Variants in PUM1 observed in about 807,000 individuals in gnomAD.
PUM1 encodes the protein pumilio homolog 1.
Under a neutral mutation model 131.8 loss-of-function variants are expected in PUM1, and 13 were observed. The observed-to-expected ratio is 0.10, with a 90% CI of 0.06 to 0.16. The LOEUF (loss-of-function observed/expected upper bound fraction) is 0.16, where lower values mean the gene tolerates loss of function less well. Among genes scored for constraint, PUM1 ranks in the 10% least tolerant of loss-of-function variants. The pLI is 1.00. For missense variants in PUM1, 961 were observed against 1,512.4 expected, an observed-to-expected ratio of 0.64 and a Z score of 6.05; for synonymous variants, 509 against 556.5, an observed-to-expected ratio of 0.91 and a Z score of 1.20.
rs2124509275 is a variant in PUM1, at chr1:31,006,101, T to C, written c.542-70A>G. 2 of 1,352,302 alleles carry C rather than the reference T, an allele frequency of 1.5e-6. 1 individual carries two copies. Among genetic ancestry groups the C allele is most frequent in the South Asian group, 3.2e-5 (2 of 63,410 alleles). The allele number at this position is 1,352,302 out of a possible 1,614,324, so 83.8% of individuals were successfully genotyped here. A position where few individuals can be genotyped will look rare whatever the true frequency, so the allele number is the denominator to read the frequency against. On this transcript the variant is annotated intron_variant, in intron 4 of 21. Transcript: ENST00000426105. Reference sequence around the variant, plus strand: ...CAAACAAATTATGAGTGATGTCTCATGGATAACCAATGGAATCAGGAAACT... The same window carrying C: ...CAAACAAATTATGAGTGATGTCTCACGGATAACCAATGGAATCAGGAAACT...
chr1:31,016,532 G>C (rs1234931839), intron 3 of PUM1, among the ~76,000 whole-genome samples: 2 of 152,110 alleles, frequency 1.3e-5, no homozygotes, highest in Non-Finnish European at 2.9e-5. Flanking sequence ...GCAGAGTGAA[G>C]TGCATCCACT....
At chr1:30,993,889 GC>G (rs894426327) in intron 6 of PUM1, among the ~76,000 whole-genome samples, 54 of 152,060 alleles carry the variant, frequency 3.6e-4, no homozygotes, top group African/African-American at 1.2e-3. Context: ...TAGCAACATG[GC>G]AAAACCCCAT....
chr1:30,980,910 T>C (rs889034548), intron 8 of PUM1, among the ~76,000 whole-genome samples: 1 of 152,212 alleles, frequency 6.6e-6, no homozygotes, highest in African/African-American at 2.4e-5. Context: ...ATTTTTTCAA[T>C]GCATACTTAC....
chr1:31,009,580 A>G (rs1482146058), intron 3 of PUM1, among the ~76,000 whole-genome samples: 1 of 152,086 alleles, frequency 6.6e-6, no homozygotes, highest in African/African-American at 2.4e-5. Context: ...AGAATGGCCA[A>G]CATGGCAAGA....
At chr1:30,977,314 C>T (rs1373907093) in intron 9 of PUM1, among the ~76,000 whole-genome samples, 2 of 152,180 alleles carry the variant, frequency 1.3e-5, no homozygotes, top group Non-Finnish European at 2.9e-5. Context: ...ATTAGGGATG[C>T]TCAACCTGTA....
intron 2 of PUM1, chr1:31,037,306 C>T (rs1643642118): frequency 6.6e-6 from 1 of 152,290 alleles, no homozygotes; most frequent in African/African-American, 2.4e-5. Context: ...GCTGACGTGA[C>T]AGAAACTGTC....
In PUM1 at chr1:31,006,087, T is replaced by A. The variant is rs564425588; in HGVS notation, c.542-56A>T. 8.4e-6 allele frequency: 12 copies of A among 1,435,344 alleles called. No homozygotes were observed. In the East Asian group the frequency reaches 2.6e-4, roughly 31 times the overall value. The allele number at this position is 1,435,344 out of a possible 1,614,324, so 88.9% of individuals were successfully genotyped here. ...TGCAGCCAGAGGCTCAAACAAATTA[T>A]GAGTGATGTCTCATGGATAACCAAT... On this transcript the variant is annotated intron_variant, in intron 4 of 21. Transcript: ENST00000426105.
intron 20 of PUM1, among the ~76,000 whole-genome samples, chr1:30,940,206 G>A (rs569383216): frequency 9.2e-5 from 14 of 152,338 alleles, no homozygotes; most frequent in Non-Finnish European, 1.5e-4. Flanking sequence ...GCCAGGTACT[G>A]GTGGCTCGTG....
chr1:30,933,093 C>T lies in PUM1; in HGVS notation c.*118G>A, dbSNP rs1057003568. On this transcript the variant is annotated 3_prime_UTR_variant, in exon 22 of 22. Coordinates refer to ENST00000426105, the MANE Select transcript of PUM1 (RefSeq NM_001020658.2). ...TTCCTTTTTTGGAGGAGGGAGTAAT[C>T]CTGGAGCAACCACTTGCCCGTCTCA... is the stretch of plus-strand genomic sequence containing the variant. 2.8e-5 allele frequency: 37 copies of T among 1,311,880 alleles called. No individual in the cohort carries two copies. Among genetic ancestry groups the T allele is most frequent in the Middle Eastern group, 2.6e-4 (1 of 3,898 alleles). 81.3% of individuals were successfully genotyped at this position (1,311,880 alleles called of 1,614,324 possible).
intron 3 of PUM1, among the ~76,000 whole-genome samples, chr1:31,016,124 A>G (rs1375111464): frequency 6.6e-6 from 1 of 152,196 alleles, no homozygotes; most frequent in Non-Finnish European, 1.5e-5. Flanking sequence ...AAAATCCAAA[A>G]CTTTTTGATT....
chr1:31,057,405 CAAAAAA>C (rs1223950994), intron 2 of PUM1, among the ~76,000 whole-genome samples: 1 of 68,758 alleles, frequency 1.5e-5, no homozygotes, highest in Non-Finnish European at 2.6e-5. Flanking sequence ...GACCTTGTCT[CAAAAAA>C]AAAAAAAAAA....
At chr1:31,064,306 A>G (rs1254309097) in intron 1 of PUM1, among the ~76,000 whole-genome samples, 1 of 152,226 alleles carries the variant, frequency 6.6e-6, no homozygotes, top group African/African-American at 2.4e-5. Context: ...CTTGAACAAA[A>G]TGAATTCAAT....
intron 10 of PUM1, among the ~76,000 whole-genome samples, chr1:30,972,539 C>T (rs1205063559): frequency 6.8e-6 from 1 of 146,096 alleles, no homozygotes; most frequent in East Asian, 2.1e-4. Context: ...TTTGGGAGGC[C>T]GAGGGGGGTG....
intron 3 of PUM1, among the ~76,000 whole-genome samples, chr1:31,009,782 A>AAAAAAAAAAAAAAAAAAAAAACAAAAAC (rs375044466): frequency 1.6e-5 from 2 of 125,366 alleles, no homozygotes; most frequent in Non-Finnish European, 3.2e-5. Context: ...AAAAAAAAAA[A>AAAAAAAAAAAAAAAAAAAAAACAAAAAC]AAAAACAAAA....
intron 5 of PUM1, among the ~76,000 whole-genome samples, chr1:31,005,037 C>A (rs1348081170): frequency 6.6e-6 from 1 of 152,188 alleles, no homozygotes; most frequent in Non-Finnish European, 1.5e-5. Context: ...CCTCTCATGG[C>A]CTTCCTGTCT....
intron 2 of PUM1, among the ~76,000 whole-genome samples, chr1:31,037,680 C>T (rs1284274993): frequency 6.6e-6 from 1 of 151,706 alleles, no homozygotes; most frequent in Non-Finnish European, 1.5e-5. Context: ...GCACTCCAGC[C>T]CGGGCGACAA....
intron 15 of PUM1, 128 bp downstream of exon 15, chr1:30,953,586 G>C: frequency 1.0e-6 from 1 of 989,108 alleles, no homozygotes; most frequent in Non-Finnish European, 1.5e-6. Flanking sequence ...ATAATGTGAT[G>C]CAAACTAAGA....
rs372229145 is a variant in PUM1, at chr1:30,992,701, T to G, written c.888-41A>C. On this transcript the variant is annotated intron_variant, in intron 6 of 21. Transcript: ENST00000426105. ...AAAGGGCATTAAACCTTATTTTCAG[T>G]GGGGAGGGACTACAGCAACCCAAGT... 8 of 1,574,426 alleles carry G rather than the reference T, an allele frequency of 5.1e-6. No individual in the cohort carries two copies. In the African/African-American group the frequency reaches 9.5e-5, roughly 19 times the overall value.
At position 30,992,441 on chromosome 1, in the gene PUM1, C is replaced by A; in HGVS notation, c.1107G>T (p.Val369=). 1.2e-6 allele frequency: 2 copies of A among 1,614,182 alleles called. No homozygotes were observed. The highest frequency in any genetic ancestry group is 1.7e-6 in the Non-Finnish European group (2 of 1,180,024). Reference sequence around the variant, plus strand: ...GTCCCACAGTTGCTGCTGCTGAGTCCACAGGTACCTGCGTGCCTGAATAAT... The same window carrying A: ...GTCCCACAGTTGCTGCTGCTGAGTCAACAGGTACCTGCGTGCCTGAATAAT... ...QFDYSGTQVP[V]DSAAATVGLF... is the part of the protein sequence containing the mutation. Residue 369 remains valine, a synonymous_variant, in exon 7 of 22, where the codon GTG becomes GTT. Transcript: ENST00000426105.
Sources: allele counts gnomAD v4.1 joint callset (sites outside exome capture counted in the v4.1 genomes callset), GRCh38; gene constraint gnomAD v4.1.1; transcripts MANE v1.5; gene names NCBI Gene and HGNC (gene_info 2026-07-23, HGNC 2026-07-21).